SLC4A4: variants seen among roughly 807,000 people sequenced by gnomAD.
The protein encoded by SLC4A4 is electrogenic sodium bicarbonate cotransporter 1.
A neutral mutation model predicts 111.5 loss-of-function variants in SLC4A4; 27 were observed. That is an observed-to-expected ratio of 0.24 (90% CI 0.18 to 0.33). The LOEUF is 0.33. Ranked by LOEUF, SLC4A4 falls within the 10% of genes least tolerant of loss-of-function variation. The pLI, the probability that SLC4A4 is intolerant of heterozygous loss-of-function variation, is 1.00. For missense variants in SLC4A4, 909 were observed against 1,315.5 expected, an observed-to-expected ratio of 0.69 and a Z score of 4.78; for synonymous variants, 443 against 463.4, an observed-to-expected ratio of 0.96 and a Z score of 0.57.
At chr4:71,499,074 A>AC (rs1553922477) in intron 16 of SLC4A4, among the ~76,000 whole-genome samples, 1 of 150,262 alleles carries the variant, frequency 6.7e-6, no homozygotes, top group Non-Finnish European at 1.5e-5. Flanking sequence ...TTTGAGGACA[A>AC]TTTTTTTTTT....
rs181565914 is a variant in SLC4A4, at chr4:71,428,609, A to G, written c.808-12007A>G. On this transcript the variant is annotated intron_variant, in intron 7 of 25. Coordinates refer to ENST00000264485, the MANE Select transcript of SLC4A4 (RefSeq NM_001098484.3). Reference sequence around the variant, plus strand: ...ATAAGAGCTGAAAATACCCGAAGACAATGGAAGGGTGGGGGACAGGAGAAA... The same window carrying G: ...ATAAGAGCTGAAAATACCCGAAGACGATGGAAGGGTGGGGGACAGGAGAAA... Among the ~76,000 whole-genome samples, 17 of 152,104 alleles carry G rather than the reference A, an allele frequency of 1.1e-4. 1 individual carries two copies. The highest frequency in any genetic ancestry group is 1.1e-3 in the Admixed American group (17 of 15,244).
intron 14 of SLC4A4, chr4:71,473,216 T>G: frequency 1.6e-6 from 1 of 639,086 alleles, no homozygotes; most frequent in Non-Finnish European, 2.8e-6. Context: ...TGAAATTAAC[T>G]CAAACTGTGG....
At chr4:71,291,035 C>G (rs1346769857) in intron 3 of SLC4A4, among the ~76,000 whole-genome samples, 1 of 152,154 alleles carries the variant, frequency 6.6e-6, no homozygotes, top group Non-Finnish European at 1.5e-5. Context: ...AAGACAGAAT[C>G]AAAGCTCCAA....
At chr4:71,115,138 A>G (rs1461804247) in intron 2 of SLC4A4, among the ~76,000 whole-genome samples, 1 of 147,656 alleles carries the variant, frequency 6.8e-6, no homozygotes, top group Non-Finnish European at 1.5e-5. Context: ...TTGAACAGTG[A>G]GATCACATGG....
intron 2 of SLC4A4, among the ~76,000 whole-genome samples, chr4:71,107,489 G>A (rs1427799346): frequency 6.6e-6 from 1 of 151,964 alleles, no homozygotes; most frequent in Non-Finnish European, 1.5e-5. Context: ...TGGGACTAGA[G>A]GCACATGCCA....
intron 3 of SLC4A4, among the ~76,000 whole-genome samples, chr4:71,291,923 CTATT>C (rs1724385266): frequency 6.6e-6 from 1 of 151,988 alleles, no homozygotes; most frequent in South Asian, 2.1e-4. Flanking sequence ...GTCGGTGTAT[CTATT>C]TATGGATTAT....
At chr4:71,488,243 G>T (rs1729598583) in intron 15 of SLC4A4, among the ~76,000 whole-genome samples, 1 of 151,252 alleles carries the variant, frequency 6.6e-6, no homozygotes, top group South Asian at 2.1e-4. Flanking sequence ...ACTGACTTAA[G>T]AAAAGAAATT....
At chr4:71,362,912 G>A (rs544448098) in intron 6 of SLC4A4, among the ~76,000 whole-genome samples, 26 of 152,174 alleles carry the variant, frequency 1.7e-4, no homozygotes, top group Middle Eastern at 3.4e-3. Flanking sequence ...TAGGCACCCC[G>A]GGCCTGCTCC....
chr4:71,501,625 T>G (rs1017223130), intron 16 of SLC4A4, among the ~76,000 whole-genome samples: 3 of 151,084 alleles, frequency 2.0e-5, no homozygotes, highest in African/African-American at 7.3e-5. Flanking sequence ...TATTTATTTA[T>G]TTTTATTTTT....
At chr4:71,499,933 A>T (rs1730755914) in intron 16 of SLC4A4, among the ~76,000 whole-genome samples, 1 of 152,198 alleles carries the variant, frequency 6.6e-6, no homozygotes. Context: ...TTTCTTTTGG[A>T]TACATACACA....
intron 3 of SLC4A4, among the ~76,000 whole-genome samples, chr4:71,301,568 C>CCCCA (rs1725262414): frequency 6.6e-6 from 1 of 152,194 alleles, no homozygotes; most frequent in African/African-American, 2.4e-5. Flanking sequence ...TACCTGCAGG[C>CCCCA]CCCAGCTCCT....
chr4:71,371,300 G>A (rs1359934554), intron 6 of SLC4A4, among the ~76,000 whole-genome samples: 1 of 135,554 alleles, frequency 7.4e-6, no homozygotes, highest in African/African-American at 2.8e-5. Context: ...CTAGAGTGCA[G>A]TGGCTTGATC....
chr4:71,524,445 C>T (rs912033704), intron 16 of SLC4A4, among the ~76,000 whole-genome samples: 1 of 152,090 alleles, frequency 6.6e-6, no homozygotes, highest in Non-Finnish European at 1.5e-5. Context: ...CTGTAGACTT[C>T]CATTGTCAAG....
chr4:71,357,379 ATTG>A (rs539874398), intron 6 of SLC4A4, among the ~76,000 whole-genome samples, 192 bp downstream of exon 6: 68 of 152,290 alleles, frequency 4.5e-4, no homozygotes, highest in African/African-American at 1.6e-3. Flanking sequence ...GATTTCCACA[ATTG>A]TTGTAGGCTG....
At chr4:71,124,079 C>T (rs1743500595) in intron 2 of SLC4A4, among the ~76,000 whole-genome samples, 4 of 151,990 alleles carry the variant, frequency 2.6e-5, no homozygotes, top group Admixed American at 6.6e-5. Context: ...ACTTTAGCAC[C>T]CTACCTTCCC....
intron 3 of SLC4A4, chr4:71,338,987 G>C (rs912287358): frequency 5.6e-6 from 7 of 1,239,962 alleles, no homozygotes; most frequent in Non-Finnish European, 7.4e-6. Flanking sequence ...TCCCACTGCT[G>C]TATGAAAAAG....
At chr4:71,376,053 G>A (rs535989071) in intron 6 of SLC4A4, among the ~76,000 whole-genome samples, 8 of 140,946 alleles carry the variant, frequency 5.7e-5, no homozygotes, top group Admixed American at 7.2e-5. Context: ...ATATATACAC[G>A]TATATATATA....
intron 14 of SLC4A4, among the ~76,000 whole-genome samples, chr4:71,473,530 A>G (rs1375350634): frequency 6.6e-6 from 1 of 151,894 alleles, no homozygotes; most frequent in Non-Finnish European, 1.5e-5. Flanking sequence ...AGAAAGGAAG[A>G]GAGAAGAAGA....
intron 8 of SLC4A4, among the ~76,000 whole-genome samples, chr4:71,444,366 T>G (rs77949406): frequency 6.6e-6 from 1 of 152,296 alleles, no homozygotes; most frequent in Non-Finnish European, 1.5e-5. Flanking sequence ...GAAAAGGGCC[T>G]CATGAAGATT....
Sources: allele counts gnomAD v4.1 joint callset (sites outside exome capture counted in the v4.1 genomes callset), GRCh38; gene constraint gnomAD v4.1.1; transcripts MANE v1.5; gene names NCBI Gene and HGNC (gene_info 2026-07-23, HGNC 2026-07-21).